Variants in VTI1A observed in about 807,000 individuals in gnomAD.
VTI1A encodes the protein vesicle transport through interaction with t-SNAREs homolog 1A.
In VTI1A, 22 loss-of-function variants were observed where a neutral mutation model predicts 34.9. That is an observed-to-expected ratio of 0.63 (90% CI 0.45 to 0.90). The LOEUF (loss-of-function observed/expected upper bound fraction) is 0.90. Ranked by LOEUF, VTI1A falls within the 40% of genes least tolerant of loss-of-function variation. The pLI, the probability that VTI1A is intolerant of heterozygous loss-of-function variation, is 0.00. For missense variants in VTI1A, 268 were observed against 275.6 expected (o/e 0.97, Z 0.20); for synonymous variants, 87 against 97.3 (o/e 0.89, Z 0.62).
chr10:112,708,829 C>T lies in VTI1A; in HGVS notation c.560+39831C>T, dbSNP rs754426244. Among the ~76,000 whole-genome samples, 10 of 152,208 alleles carry T rather than the reference C, an allele frequency of 6.6e-5. No individual in the cohort carries two copies. The East Asian group carries it at 1.7e-3, about 26-fold the overall frequency. On this transcript the variant is annotated intron_variant, in intron 7 of 7. Coordinates refer to ENST00000393077, the MANE Select transcript of VTI1A (RefSeq NM_145206.4). Reference sequence around the variant, plus strand: ...TTTTGTGTAGCCTTTCCCACTTCGCCGTTTGCCGTGAACATTTCTTCTTGA... The same window carrying T: ...TTTTGTGTAGCCTTTCCCACTTCGCTGTTTGCCGTGAACATTTCTTCTTGA...
intron 5 of VTI1A, among the ~76,000 whole-genome samples, chr10:112,660,146 G>A (rs1425544485): frequency 6.6e-6 from 1 of 152,124 alleles, no homozygotes; most frequent in South Asian, 2.1e-4. Context: ...TGTCACCCAG[G>A]TTGGAGTGCG....
At chr10:112,545,675 G>A (rs1037895865) in intron 5 of VTI1A, among the ~76,000 whole-genome samples, 6 of 152,262 alleles carry the variant, frequency 3.9e-5, no homozygotes, top group Admixed American at 2.6e-4. Flanking sequence ...GTCCCATGTC[G>A]GATCTACTGG....
In VTI1A at chr10:112,818,335, C is replaced by T; in HGVS notation, c.*2952C>T. 1 of 232,856 alleles carries T rather than the reference C, an allele frequency of 4.3e-6. No individual in the cohort carries two copies. The highest frequency in any genetic ancestry group is 2.2e-5 in the African/African-American group (1 of 45,390). 14.4% of individuals were successfully genotyped at this position (232,856 alleles called of 1,614,324 possible). A position where few individuals can be genotyped will look rare whatever the true frequency, so the allele number is the denominator to read the frequency against. ...TCCAAAAACCTCATCAGATAATGAC[C>T]TCAGTGATTGGGTTTTCATTACCAA... On this transcript the variant is annotated 3_prime_UTR_variant, in exon 8 of 8. Coordinates refer to ENST00000393077, the MANE Select transcript of VTI1A (RefSeq NM_145206.4).
At chr10:112,712,474 TCACACACACACA>T (rs60129148) in intron 7 of VTI1A, among the ~76,000 whole-genome samples, 17 of 143,488 alleles carry the variant, frequency 1.2e-4, no homozygotes, top group South Asian at 7.0e-4. Flanking sequence ...TCAACTATTA[TCACACACACACA>T]CACACACACA....
chr10:112,575,317 T>G (rs1172433767), intron 5 of VTI1A, among the ~76,000 whole-genome samples: 2 of 152,248 alleles, frequency 1.3e-5, no homozygotes, highest in Non-Finnish European at 2.9e-5. Flanking sequence ...TCGTTTTCAG[T>G]TTCTGACATG....
intron 5 of VTI1A, among the ~76,000 whole-genome samples, chr10:112,604,246 C>T (rs1844988216): frequency 6.6e-6 from 1 of 152,064 alleles, no homozygotes; most frequent in Non-Finnish European, 1.5e-5. Context: ...CTTTATGCTC[C>T]ATTTTCCTGA....
At chr10:112,597,743 G>A (rs1402393144) in intron 5 of VTI1A, among the ~76,000 whole-genome samples, 1 of 123,858 alleles carries the variant, frequency 8.1e-6, no homozygotes, top group Non-Finnish European at 1.6e-5. Context: ...TGTCGCCCAG[G>A]CTGGAGTGCA....
intron 5 of VTI1A, among the ~76,000 whole-genome samples, chr10:112,642,084 G>A (rs1054489122): frequency 6.6e-6 from 1 of 152,178 alleles, no homozygotes; most frequent in South Asian, 2.1e-4. Flanking sequence ...TGTGCCTTTT[G>A]TGTCAGCAGG....
intron 7 of VTI1A, among the ~76,000 whole-genome samples, chr10:112,712,676 A>G (rs138209182): frequency 6.3e-4 from 96 of 152,266 alleles, no homozygotes; most frequent in African/African-American, 2.3e-3. Context: ...AAAAGTGTGC[A>G]TTAGGACAGA....
chr10:112,640,730 A>G (rs1846537845), intron 5 of VTI1A, among the ~76,000 whole-genome samples: 1 of 152,240 alleles, frequency 6.6e-6, no homozygotes, highest in Admixed American at 6.5e-5. Context: ...AAAGCATTTT[A>G]ATATTGGCCT....
chr10:112,721,866 G>A (rs1849818536), intron 7 of VTI1A, among the ~76,000 whole-genome samples: 1 of 152,190 alleles, frequency 6.6e-6, no homozygotes. Context: ...TCATTGAACT[G>A]TTCAAACTAG....
In VTI1A at chr10:112,594,011, G is replaced by A. The variant is rs529685953; in HGVS notation, c.427+55681G>A. On this transcript the variant is annotated intron_variant, in intron 5 of 7. Transcript: ENST00000393077. ...TGCAAGCTCTGTCTCCCGGGTTCCC[G>A]CCATTCTCCTTCCTCAGCCTCCCGA... Among the ~76,000 whole-genome samples the A allele has an allele frequency of 1.1e-4, 16 of 152,232 alleles. No individual in the cohort carries two copies. In the East Asian group the frequency reaches 2.7e-3, roughly 26 times the overall value.
intron 5 of VTI1A, among the ~76,000 whole-genome samples, chr10:112,555,274 A>T (rs1851504644): frequency 6.6e-6 from 1 of 152,124 alleles, no homozygotes; most frequent in Non-Finnish European, 1.5e-5. Context: ...AGAGATACAG[A>T]GTGCGAGTGG....
At chr10:112,595,311 G>A (rs2134448346) in intron 5 of VTI1A, among the ~76,000 whole-genome samples, 1 of 150,064 alleles carries the variant, frequency 6.7e-6, no homozygotes, top group East Asian at 1.9e-4. Flanking sequence ...ATTGACAAAT[G>A]GGATCTAATT....
chr10:112,512,387 C>G (rs984497265), intron 3 of VTI1A, among the ~76,000 whole-genome samples: 1 of 152,046 alleles, frequency 6.6e-6, no homozygotes, highest in African/African-American at 2.4e-5. Context: ...TGCCCACTTT[C>G]AAATGGGGCT....
At chr10:112,573,523 T>G (rs1185049867) in intron 5 of VTI1A, among the ~76,000 whole-genome samples, 1 of 152,172 alleles carries the variant, frequency 6.6e-6, no homozygotes, top group African/African-American at 2.4e-5. Flanking sequence ...CAAAAAGAAA[T>G]TGACTGAGGT....
chr10:112,771,579 C>T (rs899378867), intron 7 of VTI1A, among the ~76,000 whole-genome samples: 4 of 152,198 alleles, frequency 2.6e-5, no homozygotes, highest in African/African-American at 9.7e-5. Flanking sequence ...ACAATGCACC[C>T]ATTTAAAGTA....
intron 7 of VTI1A, among the ~76,000 whole-genome samples, chr10:112,726,364 T>C (rs1330277733): frequency 6.6e-6 from 1 of 152,200 alleles, no homozygotes; most frequent in Admixed American, 6.5e-5. Context: ...TATTTTTATG[T>C]TTTTATTTCT....
Position 112,538,227 on chromosome 10 carries a change from C to A in VTI1A, c.343-19C>A. Reference sequence around the variant, plus strand: ...GTAGACGGCCGTCTGATTTTTTTTTCCCCCTTTTTCTTTTTCAGAGGGCAC... The same window carrying A: ...GTAGACGGCCGTCTGATTTTTTTTTACCCCTTTTTCTTTTTCAGAGGGCAC... On this transcript the variant is annotated intron_variant, in intron 4 of 7. Transcript: ENST00000393077. The A allele has an allele frequency of 1.3e-6, 2 of 1,563,804 alleles. No individual in the cohort carries two copies. Among genetic ancestry groups the A allele is most frequent in the Non-Finnish European group, 1.7e-6 (2 of 1,153,270 alleles).
Sources: gnomAD v4.1 joint callset for allele counts (sites outside exome capture counted in the v4.1 genomes callset) on GRCh38, gnomAD v4.1.1 for gene constraint, MANE v1.5 for transcripts, NCBI Gene and HGNC (gene_info 2026-07-23, HGNC 2026-07-21) for gene names.